The following COLEC12 variants were observed in gnomAD, a reference collection of about 807,000 sequenced individuals.
COLEC12 encodes collectin subfamily member 12.
Under a neutral mutation model 71.1 loss-of-function variants are expected in COLEC12, and 33 were observed. The ratio of observed to expected loss-of-function variants is 0.46; its 90% CI spans 0.35 to 0.62. The LOEUF is 0.62. Among genes scored for constraint, COLEC12 ranks in the 20% least tolerant of loss-of-function variants. The pLI, the probability that COLEC12 is intolerant of heterozygous loss-of-function variation, is 0.00. For synonymous variants in COLEC12, 350 were observed against 353.0 expected (o/e 0.99, Z 0.10); for missense variants, 765 against 916.1 (o/e 0.84, Z 2.13).
At chr18:342,875 T>C (rs1381517462) in intron 5 of COLEC12, among the ~76,000 whole-genome samples, 1 of 152,222 alleles carries the variant, frequency 6.6e-6, no homozygotes, top group Non-Finnish European at 1.5e-5. Context: ...ATTGAGATTT[T>C]CTTTATCACA....
At chr18:349,018 T>C (rs904800808) in intron 3 of COLEC12, among the ~76,000 whole-genome samples, 2 of 152,176 alleles carry the variant, frequency 1.3e-5, no homozygotes, top group African/African-American at 4.8e-5. Context: ...TCTCACAAGA[T>C]CTGATGGTCT....
At chr18:499,116 G>T (rs192249640) in intron 1 of COLEC12, among the ~76,000 whole-genome samples, 243 of 152,276 alleles carry the variant, frequency 1.6e-3, no homozygotes, top group Middle Eastern at 3.4e-3. Context: ...CCTTTCTAGG[G>T]AGTCTCCTCA....
chr18:397,758 C>G (rs1177981608), intron 2 of COLEC12, among the ~76,000 whole-genome samples: 1 of 152,200 alleles, frequency 6.6e-6, no homozygotes, highest in Non-Finnish European at 1.5e-5. Flanking sequence ...TCCATTTAAC[C>G]CGGTACAAGT....
intron 1 of COLEC12, among the ~76,000 whole-genome samples, chr18:486,178 T>C (rs1917515254): frequency 6.6e-6 from 1 of 152,206 alleles, no homozygotes; most frequent in South Asian, 2.1e-4. Flanking sequence ...TGTTTCTTTC[T>C]TTCTTTCTCT....
intron 5 of COLEC12, among the ~76,000 whole-genome samples, chr18:337,207 AG>A (rs34011230): frequency 0.014 from 2,114 of 152,220 alleles, 34 homozygotes; most frequent in African/African-American, 0.048. Flanking sequence ...CTCTAAAGTT[AG>A]AAGGATAGAA....
intron 1 of COLEC12, among the ~76,000 whole-genome samples, chr18:481,369 C>A (rs577477073): frequency 1.6e-4 from 24 of 152,202 alleles, no homozygotes; most frequent in Admixed American, 3.9e-4. Flanking sequence ...CAAAAGGCAG[C>A]CTTACTGTGG....
At chr18:414,391 G>C (rs549845865) in intron 2 of COLEC12, among the ~76,000 whole-genome samples, 5 of 152,042 alleles carry the variant, frequency 3.3e-5, no homozygotes, top group Non-Finnish European at 7.4e-5. Flanking sequence ...CTGAGGTCAG[G>C]AGTTTGAGAC....
At chr18:323,528 G>A (rs904984371) in intron 8 of COLEC12, among the ~76,000 whole-genome samples, 1 of 152,188 alleles carries the variant, frequency 6.6e-6, no homozygotes, top group African/African-American at 2.4e-5. Context: ...GACAATCTCA[G>A]CCTGACGCCA....
rs1913599855 is a variant in COLEC12, at chr18:318,243, G to A, written c.*1802C>T. 1.3e-5 allele frequency: 2 copies of A among 152,004 alleles called. No homozygotes were observed. The highest frequency in any genetic ancestry group is 4.8e-5 in the African/African-American group (2 of 41,422). The allele number at this position is 152,004 out of a possible 1,614,324, so 9.4% of individuals were successfully genotyped here. Reference sequence around the variant, plus strand: ...GATCCGTCCGCCTCGGCCTCCCAAAGTGCTGGGATTACAGGCGTGAGCCAC... The same window carrying A: ...GATCCGTCCGCCTCGGCCTCCCAAAATGCTGGGATTACAGGCGTGAGCCAC... On this transcript the variant is annotated 3_prime_UTR_variant, in exon 10 of 10. Transcript: ENST00000400256.
chr18:471,330 T>A (rs1033554552), intron 2 of COLEC12, among the ~76,000 whole-genome samples: 16 of 151,658 alleles, frequency 1.1e-4, no homozygotes, highest in Non-Finnish European at 2.2e-4. Flanking sequence ...AACTTTCTCA[T>A]TTTTTTTCTT....
In COLEC12 at chr18:428,263, CA is replaced by C. The variant is rs764493479; in HGVS notation, c.58+52443del. Among the ~76,000 whole-genome samples the C allele has an allele frequency of 8.4e-3, 1,102 of 131,206 alleles. 12 individuals are homozygous for C. Among genetic ancestry groups the C allele is most frequent in the African/African-American group, 0.027 (942 of 35,380 alleles). The allele number at this position is 131,206 out of a possible 152,430, so 86.1% of individuals were successfully genotyped here. Reference sequence around the variant, plus strand: ...GGGCAAAAAGAGTGAAACTCCGTCTCAAAAAAAAAAAAAAGAGCTTTTTCTA... The same window carrying C: ...GGGCAAAAAGAGTGAAACTCCGTCTCAAAAAAAAAAAAAGAGCTTTTTCTA... On this transcript the variant is annotated intron_variant, in intron 2 of 9. Coordinates refer to ENST00000400256, the MANE Select transcript of COLEC12 (RefSeq NM_130386.3).
intron 2 of COLEC12, among the ~76,000 whole-genome samples, chr18:398,839 G>A (rs1487106902): frequency 6.6e-6 from 1 of 152,208 alleles, no homozygotes; most frequent in East Asian, 1.9e-4. Context: ...GGGGAAATGT[G>A]AGCTGACAGC....
chr18:376,496 G>A (rs1915116216), intron 2 of COLEC12, among the ~76,000 whole-genome samples: 2 of 152,192 alleles, frequency 1.3e-5, no homozygotes, highest in Non-Finnish European at 2.9e-5. Context: ...TTGCACTGTA[G>A]TAGAGTTGGC....
At chr18:471,697 T>G (rs941194229) in intron 2 of COLEC12, among the ~76,000 whole-genome samples, 6 of 151,366 alleles carry the variant, frequency 4.0e-5, no homozygotes, top group Non-Finnish European at 8.8e-5. Context: ...TTTGTATAAC[T>G]TAGTATTACA....
At chr18:437,617 G>A (rs1916433164) in intron 2 of COLEC12, among the ~76,000 whole-genome samples, 1 of 152,152 alleles carries the variant, frequency 6.6e-6, no homozygotes, top group South Asian at 2.1e-4. Flanking sequence ...CGATTAGAAA[G>A]GACAGGAAAT....
At chr18:473,643 G>GTT (rs1333829016) in intron 2 of COLEC12, among the ~76,000 whole-genome samples, 1 of 152,208 alleles carries the variant, frequency 6.6e-6, no homozygotes, top group Non-Finnish European at 1.5e-5. Context: ...GATTACAGGC[G>GTT]TAAGCCACAG....
rs576462537 is a variant in COLEC12 at position 489,657 on chromosome 18, G to C, written c.8-8900C>G. ...ATAGCAAGAGGATTATTAACTTCGT[G>C]GGGGGGAAACAAAAAGCTATGCAAG... On this transcript the variant is annotated intron_variant, in intron 1 of 9. Transcript: ENST00000400256. Among the ~76,000 whole-genome samples, 3 of 151,146 alleles carry C rather than the reference G, an allele frequency of 2.0e-5. No individual in the cohort carries two copies. In the South Asian group the frequency reaches 6.3e-4, roughly 32 times the overall value.
chr18:319,330 A>T lies in COLEC12; in HGVS notation c.*715T>A, dbSNP rs1913631342. ...TGAGGAAATGAAACATTAAAAAAAA[A>T]AAAAAAAAAAAATATATATATATAT... On this transcript the variant is annotated 3_prime_UTR_variant, in exon 10 of 10. Coordinates refer to ENST00000400256, the MANE Select transcript of COLEC12 (RefSeq NM_130386.3). 1 of 47,804 alleles carries T rather than the reference A, an allele frequency of 2.1e-5. No individual in the cohort carries two copies. Among genetic ancestry groups the T allele is most frequent in the Non-Finnish European group, 4.7e-5 (1 of 21,204 alleles). 3.0% of individuals were successfully genotyped at this position (47,804 alleles called of 1,614,324 possible).
At chr18:324,088 G>A (rs1396724277) in intron 8 of COLEC12, among the ~76,000 whole-genome samples, 1 of 152,164 alleles carries the variant, frequency 6.6e-6, no homozygotes, top group African/African-American at 2.4e-5. Flanking sequence ...GTGGAAAGTG[G>A]GTAGCCTGAA....
Sources: gnomAD v4.1 joint callset for allele counts (sites outside exome capture counted in the v4.1 genomes callset) on GRCh38, gnomAD v4.1.1 for gene constraint, MANE v1.5 for transcripts, NCBI Gene and HGNC (gene_info 2026-07-23, HGNC 2026-07-21) for gene names.